ANK3: variants seen among roughly 807,000 people sequenced by gnomAD.
The protein encoded by ANK3 is ankyrin-3.
ANK3 carries 57 observed loss-of-function variants against 370.9 expected under a neutral mutation model. The observed-to-expected ratio is 0.15, with a 90% CI of 0.12 to 0.19. ANK3 has a LOEUF of 0.19. ANK3 is among the 10% of genes least tolerant of loss of function. The probability of loss-of-function intolerance (pLI) is 1.00; values close to 1 mark genes in which losing one functional copy is unlikely to be tolerated. For synonymous variants in ANK3, 1,929 were observed against 1,946.3 expected (o/e 0.99, Z 0.23); for missense variants, 4,439 against 5,302.1 (o/e 0.84, Z 5.06).
chr10:60,463,293 T>C (rs1009582011), intron 2 of ANK3, among the ~76,000 whole-genome samples: 11 of 152,120 alleles, frequency 7.2e-5, no homozygotes, highest in African/African-American at 2.7e-4. Context: ...CTATTAAGAG[T>C]CATCTTTTGA....
chr10:60,134,303 T>C lies in ANK3; in HGVS notation c.2809A>G (p.Ile937Val). Reference sequence around the variant, plus strand: ...TTGGATGGCACAAGGAGTTCTTCAATCATCATGCTGTCCCGTGCATAGGAG... The same window carrying C: ...TTGGATGGCACAAGGAGTTCTTCAACCATCATGCTGTCCCGTGCATAGGAG... ...RSSYARDSMM[I>V]EELLVPSKEQ... The change falls in exon 25 of 44, where the codon ATT becomes GTT. Residue 937 changes from isoleucine to valine, a missense_variant. Coordinates refer to ENST00000280772, the MANE Select transcript of ANK3 (RefSeq NM_020987.5). 2.5e-6 allele frequency: 4 copies of C among 1,613,974 alleles called. No homozygotes were observed. Among genetic ancestry groups the C allele is most frequent in the Non-Finnish European group, 3.4e-6 (4 of 1,179,922 alleles).
At chr10:60,414,828 G>A (rs2063628170) in intron 2 of ANK3, among the ~76,000 whole-genome samples, 1 of 152,194 alleles carries the variant, frequency 6.6e-6, no homozygotes, top group Non-Finnish European at 1.5e-5. Context: ...ATTTGCCAAA[G>A]CAGTAGCCTT....
intron 1 of ANK3, among the ~76,000 whole-genome samples, chr10:60,621,407 C>A (rs2078335174): frequency 6.6e-6 from 1 of 152,152 alleles, no homozygotes; most frequent in African/African-American, 2.4e-5. Flanking sequence ...TCAGAAAGTA[C>A]AGATCTCCAA....
At chr10:60,290,313 G>C (rs1477810540) in intron 1 of ANK3, among the ~76,000 whole-genome samples, 1 of 151,974 alleles carries the variant, frequency 6.6e-6, no homozygotes, top group Non-Finnish European at 1.5e-5. Context: ...AAATAAAGGG[G>C]AATTTTATGT....
intron 1 of ANK3, among the ~76,000 whole-genome samples, chr10:60,343,387 T>C (rs2054695461): frequency 6.6e-6 from 1 of 152,078 alleles, no homozygotes; most frequent in Non-Finnish European, 1.5e-5. Flanking sequence ...CTAAGTTCAA[T>C]GAGTAAAGAC....
chr10:60,036,256 A>G (rs1401047354), intron 43 of ANK3, among the ~76,000 whole-genome samples: 2 of 152,034 alleles, frequency 1.3e-5, no homozygotes, highest in Non-Finnish European at 2.9e-5. Flanking sequence ...GTTATATTCT[A>G]GCCATCACTG....
At position 60,074,202 on chromosome 10, in the gene ANK3, C is replaced by T; in HGVS notation, c.6679G>A (p.Glu2227Lys). The T allele has an allele frequency of 6.2e-7, 1 of 1,614,130 alleles. No individual in the cohort carries two copies. The highest frequency in any genetic ancestry group is 8.5e-7 in the Non-Finnish European group (1 of 1,180,004). ...KAFQMKASSE[E>K]DDHNRVLSKG... ...CTTAAAACCCGATTGTGGTCATCTT[C>T]TTCACTACTGGCTTTCATTTGAAAT... is the stretch of plus-strand genomic sequence containing the variant. Residue 2227 changes from glutamate (E) to lysine (K), a missense_variant, in exon 37 of 44, where the codon GAA becomes AAA. Glu to Lys is a moderately conservative substitution (Grantham distance 56). Around this residue, in one of 13 missense-constraint regions of ANK3, gnomAD observed 1,601 missense variants for 1,731.7 expected, o/e 0.92. Coordinates refer to ENST00000280772, the MANE Select transcript of ANK3 (RefSeq NM_020987.5).
intron 2 of ANK3, among the ~76,000 whole-genome samples, chr10:60,526,065 T>C (rs1039823012): frequency 2.6e-5 from 4 of 152,110 alleles, no homozygotes; most frequent in African/African-American, 9.7e-5. Flanking sequence ...TGTCAGAAAC[T>C]CTGACTCCTC....
At chr10:60,618,064 T>C (rs111820053) in intron 1 of ANK3, among the ~76,000 whole-genome samples, 83 of 152,242 alleles carry the variant, frequency 5.5e-4, no homozygotes, top group African/African-American at 1.9e-3. Flanking sequence ...ATTAAATTTT[T>C]TTATCTCCTT....
At chr10:60,199,184 G>T (rs2096634339) in intron 13 of ANK3, among the ~76,000 whole-genome samples, 1 of 152,122 alleles carries the variant, frequency 6.6e-6, no homozygotes, top group Non-Finnish European at 1.5e-5. Flanking sequence ...ATCCCCAAGT[G>T]GGAGGCGCAA....
intron 23 of ANK3, among the ~76,000 whole-genome samples, chr10:60,143,623 G>C (rs1452803280): frequency 6.6e-6 from 1 of 152,122 alleles, no homozygotes. Flanking sequence ...ACTATTTTTA[G>C]GCAAAGAGGA....
At chr10:60,389,060 T>C (rs1233399739) in intron 1 of ANK3, among the ~76,000 whole-genome samples, 2 of 152,154 alleles carry the variant, frequency 1.3e-5, no homozygotes, top group Admixed American at 6.6e-5. Context: ...CCTGGTTCTC[T>C]GGCCTCTCCC....
chr10:60,557,149 A>G (rs1001106775), intron 2 of ANK3, among the ~76,000 whole-genome samples: 5 of 152,182 alleles, frequency 3.3e-5, no homozygotes, highest in Admixed American at 3.3e-4. Context: ...CTAGGTATAT[A>G]CCCAAAAGAA....
chr10:60,728,174 A>G (rs1189972269), intron 1 of ANK3, among the ~76,000 whole-genome samples: 1 of 152,196 alleles, frequency 6.6e-6, no homozygotes, highest in Non-Finnish European at 1.5e-5. Context: ...TTTTAAAAAA[A>G]GAAAGAAAAC....
intron 1 of ANK3, among the ~76,000 whole-genome samples, chr10:60,642,894 T>A (rs1040596976): frequency 7.1e-6 from 1 of 141,436 alleles, no homozygotes; most frequent in African/African-American, 2.6e-5. Flanking sequence ...ATATTATACA[T>A]GATATAAAAC....
chr10:60,112,990 A>C (rs1421408595), intron 26 of ANK3, among the ~76,000 whole-genome samples: 2 of 152,224 alleles, frequency 1.3e-5, no homozygotes, highest in East Asian at 3.8e-4. Context: ...GATTCTACTT[A>C]TATGGATGTC....
chr10:60,319,281 G>C (rs1253000380), intron 1 of ANK3, among the ~76,000 whole-genome samples: 2 of 152,104 alleles, frequency 1.3e-5, no homozygotes, highest in Non-Finnish European at 2.9e-5. Context: ...GGTACTCTGG[G>C]CAGGTTTATT....
At chr10:60,389,319 T>C (rs1473039571) in intron 1 of ANK3, 106 bp downstream of exon 1, 5 of 1,068,194 alleles carry the variant, frequency 4.7e-6, no homozygotes, top group Non-Finnish European at 6.8e-6. Flanking sequence ...CAATTTACAC[T>C]CTACCCAGCA....
intron 2 of ANK3, among the ~76,000 whole-genome samples, chr10:60,529,973 G>A (rs575954277): frequency 6.6e-6 from 1 of 152,276 alleles, no homozygotes; most frequent in South Asian, 2.1e-4. Flanking sequence ...GCATTAAAAA[G>A]GAATTGGGAT....
Sources: gnomAD v4.1 joint callset for allele counts (sites outside exome capture counted in the v4.1 genomes callset) on GRCh38, gnomAD v4.1.1 for gene constraint, gnomAD v4.1.1 regional missense constraint, MANE v1.5 for transcripts, NCBI Gene and HGNC (gene_info 2026-07-23, HGNC 2026-07-21) for gene names.